Variants in DNAJC13 observed in about 807,000 individuals in gnomAD.
The protein encoded by DNAJC13 is DnaJ heat shock protein family (Hsp40) member C13, also known as dnaJ homolog subfamily C member 13.
Under a neutral mutation model 290.5 loss-of-function variants are expected in DNAJC13, and 75 were observed. The observed-to-expected ratio is 0.26, with a 90% CI of 0.21 to 0.31. DNAJC13 has a LOEUF of 0.31. Ranked by LOEUF, DNAJC13 falls within the 10% of genes least tolerant of loss-of-function variation. The probability of loss-of-function intolerance (pLI) is 1.00; values close to 1 mark genes in which losing one functional copy is unlikely to be tolerated. For synonymous variants in DNAJC13, 862 were observed against 892.0 expected, an observed-to-expected ratio of 0.97 and a Z score of 0.60; for missense variants, 2,260 against 2,674.5, an observed-to-expected ratio of 0.85 and a Z score of 3.42.
Position 132,460,241 on chromosome 3 carries a change from C to A in DNAJC13, c.1450-9C>A, listed in dbSNP as rs1171707998. On this transcript the variant is annotated splice_polypyrimidine_tract_variant and intron_variant, in intron 13 of 55. Coordinates refer to ENST00000260818, the MANE Select transcript of DNAJC13 (RefSeq NM_015268.4). ...TGAATTATCACTGTTTTTTTTTTTT[C>A]ATCAATAGCCCATGCATGATGACTA... 9 of 1,429,406 alleles carry A rather than the reference C, an allele frequency of 6.3e-6. No individual in the cohort carries two copies. The highest frequency in any genetic ancestry group is 2.1e-5 in the Admixed American group (1 of 46,700). 88.5% of individuals were successfully genotyped at this position (1,429,406 alleles called of 1,614,324 possible).
intron 33 of DNAJC13, among the ~76,000 whole-genome samples, chr3:132,493,152 T>C (rs1935117795): frequency 6.6e-6 from 1 of 151,462 alleles, no homozygotes; most frequent in Admixed American, 6.6e-5. Flanking sequence ...CTGGCACGCG[T>C]AAGAGGCAAT....
intron 1 of DNAJC13, among the ~76,000 whole-genome samples, chr3:132,433,727 C>A (rs1448385438): frequency 6.6e-6 from 1 of 152,184 alleles, no homozygotes; most frequent in Non-Finnish European, 1.5e-5. Context: ...TGTGCCATGG[C>A]ATTATTTGGC....
At chr3:132,420,512 TGACTTA>T (rs1938923934) in intron 1 of DNAJC13, among the ~76,000 whole-genome samples, 1 of 152,054 alleles carries the variant, frequency 6.6e-6, no homozygotes, top group Admixed American at 6.5e-5. Context: ...ACACAGTGTT[TGACTTA>T]GACTTAATCA....
chr3:132,457,536 G>A (rs1933652570), intron 13 of DNAJC13, 168 bp downstream of exon 13: 7 of 569,416 alleles, frequency 1.2e-5, no homozygotes, highest in South Asian at 2.4e-5. Context: ...ACCAGGCAAT[G>A]TGCTGTGTGC....
intron 1 of DNAJC13, among the ~76,000 whole-genome samples, chr3:132,426,641 A>G (rs1297429267): frequency 6.6e-6 from 1 of 152,184 alleles, no homozygotes; most frequent in Non-Finnish European, 1.5e-5. Context: ...CTGATACTAG[A>G]AATTTTACAG....
At position 132,514,606 on chromosome 3, in the gene DNAJC13, C is replaced by T. The variant is rs1156334448; in HGVS notation, c.5421C>T (p.Val1807=). ...VNIVTSNQDC[V]NNIAESMVLS... is the part of the protein sequence containing the mutation. Reference sequence around the variant, plus strand: ...TAGTGACATCTAACCAAGACTGTGTCAACAATATTGCTGAATCAATGGTTT... The same window carrying T: ...TAGTGACATCTAACCAAGACTGTGTTAACAATATTGCTGAATCAATGGTTT... Residue 1807 remains valine, a synonymous_variant, in exon 46 of 56, where the codon GTC becomes GTT. Coordinates refer to ENST00000260818, the MANE Select transcript of DNAJC13 (RefSeq NM_015268.4). The T allele has an allele frequency of 6.2e-7, 1 of 1,611,610 alleles. No homozygotes were observed. Among genetic ancestry groups the T allele is most frequent in the South Asian group, 1.1e-5 (1 of 90,728 alleles).
intron 26 of DNAJC13, among the ~76,000 whole-genome samples, chr3:132,481,657 G>A (rs1934678713): frequency 6.6e-6 from 1 of 152,158 alleles, no homozygotes; most frequent in African/African-American, 2.4e-5. Context: ...CTAGATTCTT[G>A]TAAAACATTG....
At position 132,526,255 on chromosome 3, in the gene DNAJC13, A is replaced by C; in HGVS notation, c.6355A>C (p.Lys2119Gln). The C allele has an allele frequency of 6.2e-7, 1 of 1,614,080 alleles. No individual in the cohort carries two copies. The highest frequency in any genetic ancestry group is 8.5e-7 in the Non-Finnish European group (1 of 1,179,970). ...TGAAGCAATTAATCGAATGTTTCAG[A>C]AGGAGCAGAGTGAATTAGTAGCACA... The part of the protein sequence containing the change: ...ACEAINRMFQ[K>Q]EQSELVAQAL... Residue 2119 changes from lysine to glutamine, a missense_variant, in exon 53 of 56, where the codon AAG (lysine) becomes CAG (glutamine). Physicochemically the swap from Lys to Gln is moderately conservative, Grantham distance 53. This residue lies in a region of DNAJC13 where 1,494 missense variants were observed against 1,693.7 expected (regional missense o/e 0.88). Coordinates refer to ENST00000260818, the MANE Select transcript of DNAJC13 (RefSeq NM_015268.4).
chr3:132,457,493 G>A, intron 13 of DNAJC13, 125 bp downstream of exon 13: 3 of 756,200 alleles, frequency 4.0e-6, no homozygotes, highest in Non-Finnish European at 6.4e-6. Flanking sequence ...TGTTCTCATA[G>A]TTACTCAAAC....
At chr3:132,500,597 G>T (rs946255295) in intron 38 of DNAJC13, among the ~76,000 whole-genome samples, 197 bp from the exon 39 acceptor site, 1 of 152,098 alleles carries the variant, frequency 6.6e-6, no homozygotes, top group Admixed American at 6.5e-5. Context: ...GCTGTGGTTT[G>T]CCAACTACCC....
intron 27 of DNAJC13, 135 bp downstream of exon 27, chr3:132,482,465 C>T (rs902358450): frequency 6.8e-6 from 4 of 591,902 alleles, no homozygotes; most frequent in Non-Finnish European, 1.2e-5. Flanking sequence ...CCCTGCAACT[C>T]AGTTTCCACA....
chr3:132,426,873 T>C (rs1339893394), intron 1 of DNAJC13, among the ~76,000 whole-genome samples: 2 of 152,004 alleles, frequency 1.3e-5, no homozygotes, highest in African/African-American at 2.4e-5. Context: ...GTTGGATACA[T>C]GTAAGGAAAC....
intron 1 of DNAJC13, among the ~76,000 whole-genome samples, chr3:132,434,209 CA>C (rs544393571): frequency 4.5e-4 from 48 of 107,388 alleles, no homozygotes; most frequent in Non-Finnish European, 4.9e-4. Context: ...GACTCCATCT[CA>C]AAAAAAAAAA....
intron 41 of DNAJC13, among the ~76,000 whole-genome samples, chr3:132,504,551 A>G (rs920845551): frequency 8.5e-5 from 13 of 152,172 alleles, no homozygotes; most frequent in African/African-American, 2.4e-4. Flanking sequence ...ATGAGCTCCA[A>G]CTGGATTCAA....
intron 54 of DNAJC13, among the ~76,000 whole-genome samples, chr3:132,529,961 C>T (rs910519215): frequency 6.6e-6 from 1 of 152,150 alleles, no homozygotes; most frequent in African/African-American, 2.4e-5. Context: ...GTACCACTTG[C>T]AGCAGTTGTC....
chr3:132,503,939 A>G (rs770320437), intron 41 of DNAJC13, among the ~76,000 whole-genome samples: 1 of 151,998 alleles, frequency 6.6e-6, no homozygotes, highest in African/African-American at 2.4e-5. Context: ...TTGATAAACT[A>G]TAGAAATCAG....
Position 132,494,194 on chromosome 3 carries a change from G to A in DNAJC13, c.3876G>A (p.Lys1292=), listed in dbSNP as rs561664283. 2.4e-5 allele frequency: 38 copies of A among 1,613,028 alleles called. No individual in the cohort carries two copies. The South Asian group carries it at 4.0e-4, about 17-fold the overall frequency. ...TLDAWKKEVE[K]KPPMMSIDDA... is the part of the protein sequence containing the mutation. ...ATGCCTGGAAGAAAGAAGTAGAAAA[G>A]AAGCCACCTATGATGTCAATAGATG... Residue 1292 remains lysine (K), a synonymous_variant, in exon 34 of 56, where the codon AAG becomes AAA. Coordinates refer to ENST00000260818, the MANE Select transcript of DNAJC13 (RefSeq NM_015268.4).
At position 132,516,433 on chromosome 3, in the gene DNAJC13, G is replaced by T. The variant is rs1935921896; in HGVS notation, c.5497G>T (p.Val1833Phe). ...CTTTTACTCTGCAGGTCGTCAGCTT[G>T]TTCTGGAAACTCTTTATGCTTTGAC... ...LHSLPSSRQL[V>F]LETLYALTSS... Residue 1833 changes from valine (V) to phenylalanine (F), a missense_variant, in exon 47 of 56, where the codon GTT (valine) becomes TTT (phenylalanine). Coordinates refer to ENST00000260818, the MANE Select transcript of DNAJC13 (RefSeq NM_015268.4). The T allele has an allele frequency of 6.2e-7, 1 of 1,613,738 alleles. No individual in the cohort carries two copies. Among genetic ancestry groups the T allele is most frequent in the Non-Finnish European group, 8.5e-7 (1 of 1,179,752 alleles).
At chr3:132,484,809 C>A in intron 29 of DNAJC13, 137 bp downstream of exon 29, 1 of 749,908 alleles carries the variant, frequency 1.3e-6, no homozygotes, top group Non-Finnish European at 2.2e-6. Context: ...AGTCTCACAC[C>A]TCCAATCCCA....
Sources: allele counts gnomAD v4.1 joint callset (sites outside exome capture counted in the v4.1 genomes callset), GRCh38; gene constraint gnomAD v4.1.1; regional missense constraint gnomAD v4.1.1; transcripts MANE v1.5; gene names NCBI Gene and HGNC (gene_info 2026-07-23, HGNC 2026-07-21).